Variants in THNSL1 observed in about 807,000 individuals in gnomAD.
THNSL1 encodes threonine synthase-like 1.
Under a neutral mutation model 50.4 loss-of-function variants are expected in THNSL1, and 48 were observed. The observed-to-expected ratio is 0.95, with a 90% CI of 0.76 to 1.21. The LOEUF (loss-of-function observed/expected upper bound fraction) is 1.21. Ranked by LOEUF, THNSL1 falls within the 50% of genes most tolerant of loss-of-function variation. The pLI is 0.00. For synonymous variants in THNSL1, 309 were observed against 306.1 expected, an observed-to-expected ratio of 1.01 and a Z score of -0.10; for missense variants, 896 against 871.7, an observed-to-expected ratio of 1.03 and a Z score of -0.35.
rs1564350328 is a variant in THNSL1 at position 25,024,557 on chromosome 10, A to G, written c.1334A>G (p.Lys445Arg). Residue 445 changes from lysine to arginine, a missense_variant, in exon 3 of 3, where the codon AAA becomes AGA. Transcript: ENST00000376356. The part of the protein sequence containing the change: ...SDFDFCQTAI[K>R]RIFNDSDFTG... ...TTTGATTTTTGCCAGACAGCTATAA[A>G]AAGAATTTTTAATGATTCTGATTTT... 4.3e-6 allele frequency: 7 copies of G among 1,614,166 alleles called. No individual in the cohort carries two copies. The highest frequency in any genetic ancestry group is 5.9e-6 in the Non-Finnish European group (7 of 1,180,024).
the THNSL1 span, among the ~76,000 whole-genome samples, chr10:25,010,657 A>T: frequency 1.4e-5 from 2 of 141,836 alleles, no homozygotes; most frequent in Admixed American, 7.5e-5. Context: ...ATGTGTTCTC[A>T]TTGTTCAATT....
At chr10:24,998,197 G>A in the THNSL1 span, among the ~76,000 whole-genome samples, 1 of 152,118 alleles carries the variant, frequency 6.6e-6, no homozygotes, top group Non-Finnish European at 1.5e-5. Flanking sequence ...CGCTAGCCGG[G>A]CTTGAGATGT....
chr10:24,952,403 C>T, the THNSL1 span: 1 of 1,143,212 alleles, frequency 8.7e-7, no homozygotes, highest in Non-Finnish European at 1.3e-6. The surrounding 1 kb of genome is among the most constrained non-coding windows in gnomAD (Gnocchi z 5.1). Flanking sequence ...CGATCCCCGC[C>T]GGGAGGGAGA....
At chr10:25,020,545 T>C (rs1219047925) in intron 1 of THNSL1, among the ~76,000 whole-genome samples, 3 of 151,868 alleles carry the variant, frequency 2.0e-5, no homozygotes, top group Admixed American at 6.6e-5. Context: ...AGTGGGAGGA[T>C]TGCTTGAGTT....
chr10:24,984,852 G>T, the THNSL1 span: 2 of 1,613,536 alleles, frequency 1.2e-6, no homozygotes, highest in South Asian at 2.2e-5. Flanking sequence ...AATCTATAAA[G>T]ACCGAGAGGG....
chr10:24,986,479 C>T, the THNSL1 span, among the ~76,000 whole-genome samples: 1 of 152,188 alleles, frequency 6.6e-6, no homozygotes, highest in East Asian at 1.9e-4. Flanking sequence ...AAGAAGCCCT[C>T]AAAAGAATTC....
At chr10:25,004,693 A>G in the THNSL1 span, among the ~76,000 whole-genome samples, 2 of 151,952 alleles carry the variant, frequency 1.3e-5, no homozygotes, top group African/African-American at 4.8e-5. Context: ...GTTTGCAAAA[A>G]TTTTCTCCCA....
rs951796791 is a variant in THNSL1, at chr10:25,023,194, G to A, written c.-30G>A. ...TGAAAAGGGCTAAAGCCAATTTTTA[G>A]GTTGGCTTGGGCAGAAAAGTGAAAA... On this transcript the variant is annotated 5_prime_UTR_variant, in exon 3 of 3. Coordinates refer to ENST00000376356, the MANE Select transcript of THNSL1 (RefSeq NM_024838.5). 1 of 1,570,316 alleles carries A rather than the reference G, an allele frequency of 6.4e-7. No homozygotes were observed. Among genetic ancestry groups the A allele is most frequent in the African/African-American group, 1.4e-5 (1 of 73,030 alleles).
rs766448491 is a variant in THNSL1 at position 25,025,001 on chromosome 10, G to A, written c.1778G>A (p.Arg593Gln). Residue 593 changes from arginine (R) to glutamine (Q), a missense_variant, in exon 3 of 3, where the codon CGA (arginine) becomes CAA (glutamine). Physicochemically the swap from Arg to Gln is conservative, Grantham distance 43. Coordinates refer to ENST00000376356, the MANE Select transcript of THNSL1 (RefSeq NM_024838.5). Reference protein sequence around the residue: ...DGQLMTELFNRLESQHHFQIE... With the variant: ...DGQLMTELFNQLESQHHFQIE... ...CAGCTAATGACAGAATTATTTAATC[G>A]ATTAGAAAGTCAGCATCATTTCCAG... 1.2e-5 allele frequency: 20 copies of A among 1,614,034 alleles called. No individual in the cohort carries two copies. The highest frequency in any genetic ancestry group is 8.8e-5 in the South Asian group (8 of 91,076).
Position 25,023,350 on chromosome 10 carries a change from A to G in THNSL1, c.127A>G (p.Arg43Gly), listed in dbSNP as rs137957753. 2 of 1,614,172 alleles carry G rather than the reference A, an allele frequency of 1.2e-6. No homozygotes were observed. Among genetic ancestry groups the G allele is most frequent in the East Asian group, 2.2e-5 (1 of 44,876 alleles). The change falls in exon 3 of 3, where the codon AGG (arginine) becomes GGG (glycine). Residue 43 changes from arginine (R) to glycine (G), a missense_variant. By Grantham distance (125) the Arg-to-Gly change is moderately radical. Coordinates refer to ENST00000376356, the MANE Select transcript of THNSL1 (RefSeq NM_024838.5). ...LSRTFALAELRKSWYSTHSLV... is the reference protein window; with the variant it reads ...LSRTFALAELGKSWYSTHSLV... Reference sequence around the variant, plus strand: ...AAGAACCTTTGCACTTGCGGAATTGAGGAAGTCATGGTATTCAACCCACTC... The same window carrying G: ...AAGAACCTTTGCACTTGCGGAATTGGGGAAGTCATGGTATTCAACCCACTC...
At chr10:25,005,174 G>A in the THNSL1 span, among the ~76,000 whole-genome samples, 1 of 152,092 alleles carries the variant, frequency 6.6e-6, no homozygotes, top group African/African-American at 2.4e-5. Flanking sequence ...CTGTAGTATA[G>A]TTTGAAGTCA....
At chr10:24,960,017 TA>T in the THNSL1 span, among the ~76,000 whole-genome samples, 1 of 152,152 alleles carries the variant, frequency 6.6e-6, no homozygotes, top group Non-Finnish European at 1.5e-5. Flanking sequence ...ACAAGGAACT[TA>T]TTTCCATCTC....
chr10:25,005,858 T>A, the THNSL1 span, among the ~76,000 whole-genome samples: 4 of 152,144 alleles, frequency 2.6e-5, no homozygotes, highest in Admixed American at 2.6e-4. Context: ...AGCTGTTGAG[T>A]GAAATAATAT....
At position 25,025,571 on chromosome 10, in the gene THNSL1, G is replaced by A. The variant is rs1388701791; in HGVS notation, c.*116G>A. 2 of 1,034,854 alleles carry A rather than the reference G, an allele frequency of 1.9e-6. No individual in the cohort carries two copies. The highest frequency in any genetic ancestry group is 1.6e-5 in the African/African-American group (1 of 61,258). 64.1% of individuals were successfully genotyped at this position (1,034,854 alleles called of 1,614,324 possible). A position where few individuals can be genotyped will look rare whatever the true frequency, so the allele number is the denominator to read the frequency against. On this transcript the variant is annotated 3_prime_UTR_variant, in exon 3 of 3. Transcript: ENST00000376356. ...TATGTAAATATCTCTATATCTGTTT[G>A]GAATTTCAAAAGTCTGATCTCTAGG...
chr10:25,023,396 T>A lies in THNSL1; in HGVS notation c.173T>A (p.Ile58Asn), dbSNP rs1188355520. The A allele has an allele frequency of 6.2e-7, 1 of 1,614,160 alleles. No individual in the cohort carries two copies. Residue 58 changes from isoleucine to asparagine, a missense_variant, in exon 3 of 3, where the codon ATT (isoleucine) becomes AAT (asparagine). Physicochemically the swap from Ile to Asn is moderately radical, Grantham distance 149. Transcript: ENST00000376356. ...CACTCTCTTGTTGGAGACAAAAATA[T>A]TATCCTGATGGGACCTCCTGGTGCT... ...STHSLVGDKNIILMGPPGAGK... is the reference protein window; with the variant it reads ...STHSLVGDKNNILMGPPGAGK...
the THNSL1 span, chr10:24,982,873 T>C: frequency 6.6e-6 from 1 of 152,252 alleles, no homozygotes; most frequent in Non-Finnish European, 1.5e-5. Context: ...AAGAATTAGC[T>C]GTTAAAACCA....
At chr10:25,010,787 T>G in the THNSL1 span, among the ~76,000 whole-genome samples, 1 of 146,008 alleles carries the variant, frequency 6.8e-6, no homozygotes, top group East Asian at 2.2e-4. Flanking sequence ...TCATTTTTTA[T>G]GGCTGCATAG....
the THNSL1 span, chr10:24,995,652 A>G: frequency 6.2e-7 from 1 of 1,608,696 alleles, no homozygotes; most frequent in African/African-American, 1.3e-5. Flanking sequence ...CTACCTTTTT[A>G]TTGATGTACT....
At chr10:25,015,937 G>A (rs1274891657), upstream of THNSL1, 1 of 1,605,244 alleles carries the variant, frequency 6.2e-7, no homozygotes, top group African/African-American at 1.3e-5. Context: ...TTGGATCCAT[G>A]GCCACCAAAT....
Sources: gnomAD v4.1 joint callset for allele counts (sites outside exome capture counted in the v4.1 genomes callset) on GRCh38, gnomAD v4.1.1 for gene constraint, Gnocchi (gnomAD v3.1) non-coding constraint, MANE v1.5 for transcripts, NCBI Gene and HGNC (gene_info 2026-07-23, HGNC 2026-07-21) for gene names.